Variants in ACAN observed in about 807,000 individuals in gnomAD.
ACAN encodes the protein aggrecan core protein.
ACAN carries 47 observed loss-of-function variants against 169.1 expected under a neutral mutation model. The observed-to-expected ratio is 0.28, with a 90% CI of 0.22 to 0.35. The LOEUF is 0.35. ACAN is among the 10% of genes least tolerant of loss of function. The probability of loss-of-function intolerance (pLI) is 1.00; values close to 1 mark genes in which losing one functional copy is unlikely to be tolerated. For missense variants in ACAN, 2,716 were observed against 2,759.9 expected, an observed-to-expected ratio of 0.98 and a Z score of 0.36; for synonymous variants, 1,115 against 1,112.2, an observed-to-expected ratio of 1.00 and a Z score of -0.05.
chr15:88,863,423 T>C (rs1315399149), intron 13 of ACAN, among the ~76,000 whole-genome samples: 1 of 152,242 alleles, frequency 6.6e-6, no homozygotes, highest in African/African-American at 2.4e-5. Context: ...GATAGTCTGA[T>C]TCAATTGGTC....
intron 4 of ACAN, among the ~76,000 whole-genome samples, chr15:88,841,308 G>A (rs1896654975): frequency 6.6e-6 from 1 of 152,178 alleles, no homozygotes; most frequent in African/African-American, 2.4e-5. Context: ...ATGATATAGA[G>A]TGAGGCCTAA....
chr15:88,809,772 A>G (rs560127967), intron 1 of ACAN, among the ~76,000 whole-genome samples: 2 of 152,166 alleles, frequency 1.3e-5, no homozygotes, highest in African/African-American at 2.4e-5. Flanking sequence ...GGGCATCCCC[A>G]TGGGGAGTGG....
rs564519543 is a variant in ACAN, at chr15:88,807,861, A to C, written c.-8+4052A>C. On this transcript the variant is annotated intron_variant, in intron 1 of 18. Coordinates refer to ENST00000560601, the MANE Select transcript of ACAN (RefSeq NM_001369268.1). The surrounding 1 kb of genome is among the most constrained non-coding windows in gnomAD (Gnocchi z 4.0). ...CTTCTCTCCCTCTCAATGGCCTTAC[A>C]GTGTATCCTAAAGAAGCTTTTTGTT... is the stretch of plus-strand genomic sequence containing the variant. Among the ~76,000 whole-genome samples, 1 of 151,756 alleles carries C rather than the reference A, an allele frequency of 6.6e-6. No homozygotes were observed. The highest frequency in any genetic ancestry group is 1.5e-5 in the Non-Finnish European group (1 of 67,994).
rs548134078 is a variant in ACAN at position 88,830,329 on chromosome 15, C to T, written c.-7-5871C>T. Among the ~76,000 whole-genome samples the T allele has an allele frequency of 7.2e-5, 11 of 152,302 alleles. No individual in the cohort carries two copies. In the East Asian group the frequency reaches 2.1e-3, roughly 29 times the overall value. ...TTTATTTACTATTATAGTCATGCAACATTTAACAGGGATGCGTTCTGAGAA... is the reference window on the plus strand; with the variant it reads ...TTTATTTACTATTATAGTCATGCAATATTTAACAGGGATGCGTTCTGAGAA... On this transcript the variant is annotated intron_variant, in intron 1 of 18. Transcript: ENST00000560601.
In ACAN at chr15:88,836,171, A is replaced by G. The variant is rs553801256; in HGVS notation, c.-7-29A>G. 3 of 1,567,086 alleles carry G rather than the reference A, an allele frequency of 1.9e-6. No homozygotes were observed. The East Asian group carries it at 6.7e-5, about 35-fold the overall frequency. The stretch of plus-strand genomic sequence containing the variant: ...TGACCTCACCATGCCTTCACTGTCT[A>G]AATAACGCCTCTGCCTCCCCTCTTC... On this transcript the variant is annotated intron_variant, in intron 1 of 18. Coordinates refer to ENST00000560601, the MANE Select transcript of ACAN (RefSeq NM_001369268.1).
intron 10 of ACAN, chr15:88,850,930 C>T (rs1309770185): frequency 6.9e-6 from 1 of 144,724 alleles, no homozygotes; most frequent in Non-Finnish European, 1.5e-5. Flanking sequence ...GGCAGCAGAG[C>T]AAGACTCTGT....
chr15:88,862,997 C>CAA (rs57598410), intron 13 of ACAN, among the ~76,000 whole-genome samples: 6 of 73,760 alleles, frequency 8.1e-5, no homozygotes, highest in Non-Finnish European at 1.2e-4. Context: ...CACTCGGTCT[C>CAA]AAAAAAAAAA....
chr15:88,841,761 G>T lies in ACAN; in HGVS notation c.651G>T (p.Arg217=). 5 of 1,613,594 alleles carry T rather than the reference G, an allele frequency of 3.1e-6. No individual in the cohort carries two copies. The highest frequency in any genetic ancestry group is 4.2e-6 in the Non-Finnish European group (5 of 1,179,804). The change falls in exon 5 of 19, where the codon CGG becomes CGT. Residue 217 remains arginine, a synonymous_variant. Coordinates refer to ENST00000560601, the MANE Select transcript of ACAN (RefSeq NM_001369268.1). ...QTVRYPIHTP[R]EGCYGDKDEF... Reference sequence around the variant, plus strand: ...GCAGATACCCCATCCACACTCCCCGGGAAGGCTGCTATGGAGACAAGGATG... The same window carrying T: ...GCAGATACCCCATCCACACTCCCCGTGAAGGCTGCTATGGAGACAAGGATG...
In ACAN at chr15:88,843,628, A is replaced by G. The variant is rs774462118; in HGVS notation, c.1031A>G (p.Tyr344Cys). The G allele has an allele frequency of 1.0e-5, 16 of 1,584,986 alleles. No homozygotes were observed. Among genetic ancestry groups the G allele is most frequent in the Admixed American group, 1.7e-5 (1 of 59,260 alleles). Reference sequence around the variant, plus strand: ...GGCTACCCCGACCCCTCATCCCGCTACGACGCCATCTGCTACACAGGTGGG... The same window carrying G: ...GGCTACCCCGACCCCTCATCCCGCTGCGACGCCATCTGCTACACAGGTGGG... ...QTGYPDPSSRYDAICYTGEDF... is the reference protein window; with the variant it reads ...QTGYPDPSSRCDAICYTGEDF... Residue 344 changes from tyrosine (Y) to cysteine (C), a missense_variant, in exon 6 of 19, where the codon TAC becomes TGC. This residue lies in a region of ACAN where 1,283 missense variants were observed against 1,281.5 expected (regional missense o/e 1.00). Transcript: ENST00000560601. This position sits in a 1 kb window ranked among gnomAD's most constrained non-coding sequence, Gnocchi z 4.0.
chr15:88,865,783 G>A (rs1567191799), intron 13 of ACAN, among the ~76,000 whole-genome samples: 3 of 149,166 alleles, frequency 2.0e-5, no homozygotes, highest in African/African-American at 7.8e-5. Context: ...AGAAAGAGGT[G>A]GGCCATGCAG....
At chr15:88,816,800 G>A (rs950895624) in intron 1 of ACAN, among the ~76,000 whole-genome samples, 4 of 152,164 alleles carry the variant, frequency 2.6e-5, no homozygotes, top group Non-Finnish European at 4.4e-5. Context: ...TTATTTCAAC[G>A]CACCATGCCC....
At position 88,859,154 on chromosome 15, in the gene ACAN, C is replaced by T. The variant is rs773358643; in HGVS notation, c.6569C>T (p.Thr2190Met). 28 of 1,613,738 alleles carry T rather than the reference C, an allele frequency of 1.7e-5. No homozygotes were observed. Among genetic ancestry groups the T allele is most frequent in the Middle Eastern group, 1.6e-4 (1 of 6,084 alleles). ...CCAGGCTTGCCTTCAGCCACTCCCA[C>T]GGCTTCTGGAGACAGGACTGAAATC... Reference protein sequence around the residue: ...EAPGLPSATPTASGDRTEISG... With the variant: ...EAPGLPSATPMASGDRTEISG... The change falls in exon 12 of 19, where the codon ACG (threonine) becomes ATG (methionine). Residue 2190 changes from threonine (T) to methionine (M), a missense_variant. By Grantham distance (81) the Thr-to-Met change is moderately conservative (BLOSUM62 -1). Around this residue, in one of 3 missense-constraint regions of ACAN, gnomAD observed 1,389 missense variants for 1,363.7 expected, o/e 1.02. Coordinates refer to ENST00000560601, the MANE Select transcript of ACAN (RefSeq NM_001369268.1).
At chr15:88,830,632 C>G (rs1030331169) in intron 1 of ACAN, among the ~76,000 whole-genome samples, 1 of 151,422 alleles carries the variant, frequency 6.6e-6, no homozygotes, top group African/African-American at 2.4e-5. Context: ...CTATCTAAAC[C>G]TATAAAAGAT....
At position 88,865,033 on chromosome 15, in the gene ACAN, G is replaced by A. The variant is rs543972820; in HGVS notation, c.6947-3183G>A. ...GATCTTTTCAAGGTGGAGGCCTGAC[G>A]TCTCCAATTCAGACAACCACGTGAT... On this transcript the variant is annotated intron_variant, in intron 13 of 18. Coordinates refer to ENST00000560601, the MANE Select transcript of ACAN (RefSeq NM_001369268.1). 1.5e-3 allele frequency among the ~76,000 whole-genome samples: 231 copies of A among 152,282 alleles called. 3 individuals carry two copies. In the South Asian group the frequency reaches 0.045, roughly 30 times the overall value.
rs187909188 is a variant in ACAN at position 88,866,737 on chromosome 15, G to T, written c.6947-1479G>T. Among the ~76,000 whole-genome samples the T allele has an allele frequency of 6.6e-6, 1 of 152,160 alleles. No individual in the cohort carries two copies. The highest frequency in any genetic ancestry group is 1.5e-5 in the Non-Finnish European group (1 of 68,042). ...TAGAAGATGTCTACTATGCACCAGC[G>T]TAAGGACTCAGAGGAAACCGCCTTT... On this transcript the variant is annotated intron_variant, in intron 13 of 18. Transcript: ENST00000560601. This position sits in a 1 kb window ranked among gnomAD's most constrained non-coding sequence, Gnocchi z 5.6.
rs1197291713 is a variant in ACAN, at chr15:88,839,559, T to C, written c.455-453T>C. Among the ~76,000 whole-genome samples, 1 of 152,180 alleles carries C rather than the reference T, an allele frequency of 6.6e-6. No homozygotes were observed. Among genetic ancestry groups the C allele is most frequent in the African/African-American group, 2.4e-5 (1 of 41,432 alleles). On this transcript the variant is annotated intron_variant, in intron 3 of 18. Coordinates refer to ENST00000560601, the MANE Select transcript of ACAN (RefSeq NM_001369268.1). The surrounding 1 kb of genome is among the most constrained non-coding windows in gnomAD (Gnocchi z 4.5). Reference sequence around the variant, plus strand: ...TTCAGGACTTTGGTCAACACCAGATTTTTCCCAGGGGGAGGTACAGTGGGA... The same window carrying C: ...TTCAGGACTTTGGTCAACACCAGATCTTTCCCAGGGGGAGGTACAGTGGGA...
Position 88,868,709 on chromosome 15 carries a change from A to G in ACAN, c.7060+380A>G, listed in dbSNP as rs965509275. 2.0e-5 allele frequency among the ~76,000 whole-genome samples: 3 copies of G among 152,164 alleles called. No homozygotes were observed. The highest frequency in any genetic ancestry group is 7.2e-5 in the African/African-American group (3 of 41,428). Reference sequence around the variant, plus strand: ...CCAGATGACAGCCACGGATCTTCTCAGTGTGGTCATGGGCATGGGACCTTT... The same window carrying G: ...CCAGATGACAGCCACGGATCTTCTCGGTGTGGTCATGGGCATGGGACCTTT... On this transcript the variant is annotated intron_variant, in intron 14 of 18. Transcript: ENST00000560601. The surrounding 1 kb of genome is among the most constrained non-coding windows in gnomAD (Gnocchi z 5.2).
chr15:88,864,964 T>C (rs761437963), intron 13 of ACAN, among the ~76,000 whole-genome samples: 1 of 152,194 alleles, frequency 6.6e-6, no homozygotes, highest in Non-Finnish European at 1.5e-5. Context: ...AAACTCTCAC[T>C]CACTTGGAGG....
Position 88,838,522 on chromosome 15 carries a change from G to C in ACAN, c.71-141G>C. ...CTGGGAATTCCCACATGACACGGGA[G>C]CATCCCCATCATAGAGACAGACACA... On this transcript the variant is annotated intron_variant, in intron 2 of 18. Coordinates refer to ENST00000560601, the MANE Select transcript of ACAN (RefSeq NM_001369268.1). This position sits in a 1 kb window ranked among gnomAD's most constrained non-coding sequence, Gnocchi z 5.1. The C allele has an allele frequency of 6.6e-6, 7 of 1,067,764 alleles. No homozygotes were observed. The highest frequency in any genetic ancestry group is 9.4e-6 in the Non-Finnish European group (7 of 741,970). The allele number at this position is 1,067,764 out of a possible 1,614,324, so 66.1% of individuals were successfully genotyped here. A position where few individuals can be genotyped will look rare whatever the true frequency, so the allele number is the denominator to read the frequency against.
Sources: gnomAD v4.1 joint callset for allele counts (sites outside exome capture counted in the v4.1 genomes callset) on GRCh38, gnomAD v4.1.1 for gene constraint, gnomAD v4.1.1 regional missense constraint, Gnocchi (gnomAD v3.1) non-coding constraint, MANE v1.5 for transcripts, NCBI Gene and HGNC (gene_info 2026-07-23, HGNC 2026-07-21) for gene names.